THRB: variants seen among roughly 807,000 people sequenced by gnomAD.
THRB encodes the protein nuclear receptor subfamily 1 group A member 2.
THRB carries 12 observed loss-of-function variants against 47.8 expected under a neutral mutation model. That is an observed-to-expected ratio of 0.25 (90% CI 0.16 to 0.41). The LOEUF (loss-of-function observed/expected upper bound fraction) is 0.41. THRB is among the 10% of genes least tolerant of loss of function. The probability of loss-of-function intolerance (pLI) is 1.00; values close to 1 mark genes in which losing one functional copy is unlikely to be tolerated. For synonymous variants in THRB, 218 were observed against 212.2 expected (o/e 1.03, Z -0.24); for missense variants, 348 against 589.2 (o/e 0.59, Z 4.24).
chr3:24,422,229 T>C (rs1560148585), intron 1 of THRB, among the ~76,000 whole-genome samples: 1 of 151,968 alleles, frequency 6.6e-6, no homozygotes, highest in Non-Finnish European at 1.5e-5. Context: ...TGCTATGTTA[T>C]CACAGTTTCC....
chr3:24,452,331 G>A (rs1011305284), intron 1 of THRB, among the ~76,000 whole-genome samples: 2 of 152,034 alleles, frequency 1.3e-5, no homozygotes, highest in African/African-American at 4.8e-5. Flanking sequence ...CCCAAGGTGC[G>A]TGCCTAACTT....
intron 4 of THRB, among the ~76,000 whole-genome samples, chr3:24,199,758 C>T (rs1385873140): frequency 6.6e-6 from 1 of 152,132 alleles, no homozygotes; most frequent in Non-Finnish European, 1.5e-5. Flanking sequence ...GCTTATTAAT[C>T]TGAAGTGCAG....
intron 3 of THRB, among the ~76,000 whole-genome samples, chr3:24,294,099 T>A (rs1311660925): frequency 6.6e-6 from 1 of 152,228 alleles, no homozygotes; most frequent in East Asian, 1.9e-4. Context: ...GGCTTGAGAC[T>A]ATGTTTTAAG....
At chr3:24,172,575 A>G (rs2040573729) in intron 5 of THRB, among the ~76,000 whole-genome samples, 1 of 152,140 alleles carries the variant, frequency 6.6e-6, no homozygotes, top group Admixed American at 6.6e-5. Context: ...TTCACAATCG[A>G]TCACCAAGCA....
chr3:24,198,850 C>G (rs765547767), intron 4 of THRB, among the ~76,000 whole-genome samples: 7 of 152,084 alleles, frequency 4.6e-5, no homozygotes, highest in Non-Finnish European at 7.4e-5. Flanking sequence ...CATTGTTAGA[C>G]TCATGGAGGC....
chr3:24,394,755 G>C (rs368699574), intron 1 of THRB, among the ~76,000 whole-genome samples: 1 of 151,966 alleles, frequency 6.6e-6, no homozygotes, highest in East Asian at 1.9e-4. Flanking sequence ...GTGTGGATTC[G>C]TGCAATAAAG....
intron 1 of THRB, among the ~76,000 whole-genome samples, chr3:24,400,906 T>C (rs952187500): frequency 2.0e-5 from 3 of 152,028 alleles, no homozygotes; most frequent in Non-Finnish European, 4.4e-5. Context: ...CTGTAAGTAG[T>C]AATAAGAAAA....
intron 1 of THRB, among the ~76,000 whole-genome samples, chr3:24,454,723 CT>C (rs1199256543): frequency 6.6e-6 from 1 of 151,948 alleles, no homozygotes; most frequent in Non-Finnish European, 1.5e-5. Flanking sequence ...GTCTTTTTGT[CT>C]TTTTCTATAG....
chr3:24,399,115 T>C (rs946217385), intron 1 of THRB, among the ~76,000 whole-genome samples: 2 of 151,638 alleles, frequency 1.3e-5, no homozygotes, highest in African/African-American at 2.4e-5. Flanking sequence ...CATTAGGAGA[T>C]ATACCTCATG....
At chr3:24,459,362 A>G (rs1263063263) in intron 1 of THRB, 1 of 152,226 alleles carries the variant, frequency 6.6e-6, no homozygotes, top group African/African-American at 2.4e-5. Context: ...CCACTCTATC[A>G]TTGATGGACA....
intron 3 of THRB, among the ~76,000 whole-genome samples, chr3:24,261,497 CAAAAA>C (rs35109952): frequency 1.1e-5 from 1 of 88,252 alleles, no homozygotes; most frequent in Non-Finnish European, 2.2e-5. Context: ...GATTCTGTCT[CAAAAA>C]AAAAAAAAAA....
At chr3:24,354,420 T>C (rs2063544131) in intron 1 of THRB, among the ~76,000 whole-genome samples, 1 of 152,150 alleles carries the variant, frequency 6.6e-6, no homozygotes, top group East Asian at 1.9e-4. Context: ...TATCACAAAT[T>C]GGACAGAAAT....
chr3:24,133,348 C>T lies in THRB; in HGVS notation c.853G>A (p.Asp285Asn), dbSNP rs1404363637. 1 of 1,613,992 alleles carries T rather than the reference C, an allele frequency of 6.2e-7. No homozygotes were observed. Among genetic ancestry groups the T allele is most frequent in the African/African-American group, 1.3e-5 (1 of 74,922 alleles). ...IITPAITRVV[D>N]FAKKLPMFCE... The stretch of plus-strand genomic sequence containing the variant: ...AACATAGGCAACTTTTTGGCAAAAT[C>T]CACCACTCTGGTAATTGCTGGTGTG... The change falls in exon 9 of 11, where the codon GAT becomes AAT. Residue 285 changes from aspartate to asparagine, a missense_variant. By Grantham distance (23) the Asp-to-Asn change is conservative. This residue lies in a region of THRB where 45 missense variants were observed against 156.2 expected (regional missense o/e 0.29). Transcript: ENST00000646209.
chr3:24,341,775 C>A (rs2062672276), intron 1 of THRB, among the ~76,000 whole-genome samples: 2 of 152,134 alleles, frequency 1.3e-5, no homozygotes, highest in South Asian at 4.1e-4. Context: ...TAAGTATTTT[C>A]TCTTGCTCTC....
chr3:24,489,865 G>A (rs929144083), intron 1 of THRB, among the ~76,000 whole-genome samples: 1 of 152,220 alleles, frequency 6.6e-6, no homozygotes. Context: ...ACAAGTTTGG[G>A]AACTTAAATT....
chr3:24,490,975 T>C (rs1000425720), intron 1 of THRB, among the ~76,000 whole-genome samples: 2 of 152,220 alleles, frequency 1.3e-5, no homozygotes, highest in Non-Finnish European at 2.9e-5. Context: ...CTTCACTTTA[T>C]GTAGAATTGA....
chr3:24,267,927 A>G (rs1012900764), intron 3 of THRB, among the ~76,000 whole-genome samples: 1 of 152,232 alleles, frequency 6.6e-6, no homozygotes, highest in Non-Finnish European at 1.5e-5. Context: ...ACATTTCTTC[A>G]ACACCATTAG....
chr3:24,368,495 A>G (rs2149717601), intron 1 of THRB, among the ~76,000 whole-genome samples: 1 of 152,366 alleles, frequency 6.6e-6, no homozygotes, highest in South Asian at 2.1e-4. Flanking sequence ...AAGACTAGAC[A>G]CGAAGCTAAA....
intron 3 of THRB, among the ~76,000 whole-genome samples, chr3:24,292,817 G>A (rs2056070095): frequency 6.6e-6 from 1 of 152,062 alleles, no homozygotes; most frequent in East Asian, 1.9e-4. Context: ...CAGATCCCTC[G>A]GCTCCTGGGC....
Sources: allele counts gnomAD v4.1 joint callset (sites outside exome capture counted in the v4.1 genomes callset), GRCh38; gene constraint gnomAD v4.1.1; regional missense constraint gnomAD v4.1.1; transcripts MANE v1.5; gene names NCBI Gene and HGNC (gene_info 2026-07-23, HGNC 2026-07-21).